Variants in TRPM6 observed in about 807,000 individuals in gnomAD.
TRPM6 encodes the protein channel kinase 2.
In TRPM6, 111 loss-of-function variants were observed where a neutral mutation model predicts 247.6. That is an observed-to-expected ratio of 0.45 (90% CI 0.38 to 0.52). The LOEUF (loss-of-function observed/expected upper bound fraction) is 0.52, where lower values mean the gene tolerates loss of function less well. TRPM6 is among the 20% of genes least tolerant of loss of function. The pLI, the probability that TRPM6 is intolerant of heterozygous loss-of-function variation, is 0.00. For synonymous variants in TRPM6, 892 were observed against 853.8 expected, an observed-to-expected ratio of 1.04 and a Z score of -0.78; for missense variants, 2,126 against 2,421.5, an observed-to-expected ratio of 0.88 and a Z score of 2.56.
intron 5 of TRPM6, among the ~76,000 whole-genome samples, chr9:74,836,617 C>T (rs910165740): frequency 2.0e-5 from 3 of 152,166 alleles, no homozygotes; most frequent in Non-Finnish European, 2.9e-5. Flanking sequence ...TGAGACTCTC[C>T]GTAAAACCCA....
chr9:74,812,849 C>T (rs893780791), intron 11 of TRPM6, among the ~76,000 whole-genome samples: 1 of 152,194 alleles, frequency 6.6e-6, no homozygotes, highest in African/African-American at 2.4e-5. Context: ...ATGAATGCAT[C>T]ACTACACTCC....
At chr9:74,786,993 G>A (rs566678204) in intron 20 of TRPM6, among the ~76,000 whole-genome samples, 300 of 152,120 alleles carry the variant, frequency 2.0e-3, no homozygotes, top group African/African-American at 6.8e-3. Context: ...GAGGTCAGGA[G>A]TTCGAGACCA....
At chr9:74,724,992 T>C (rs993503799) in intron 38 of TRPM6, among the ~76,000 whole-genome samples, 2 of 152,208 alleles carry the variant, frequency 1.3e-5, no homozygotes, top group African/African-American at 4.8e-5. Context: ...ACTTGGTTGC[T>C]TGCTTCAATA....
chr9:74,812,139 G>A (rs1828752007), intron 12 of TRPM6, among the ~76,000 whole-genome samples, 160 bp downstream of exon 12: 1 of 152,164 alleles, frequency 6.6e-6, no homozygotes, highest in South Asian at 2.1e-4. Flanking sequence ...ATAAATGTTG[G>A]GGAAAGAAGC....
chr9:74,840,254 TGTAG>T lies in TRPM6; in HGVS notation c.331-21_331-18del. On this transcript the variant is annotated intron_variant, in intron 4 of 38. Coordinates refer to ENST00000360774, the MANE Select transcript of TRPM6 (RefSeq NM_017662.5). ...TCTAATATACTGCAAGAAAAGCACA[TGTAG>T]GTGAACAGAACATTGTAAAAAAGTT... 1 of 1,557,910 alleles carries T rather than the reference TGTAG, an allele frequency of 6.4e-7. No homozygotes were observed. Among genetic ancestry groups the T allele is most frequent in the Non-Finnish European group, 8.9e-7 (1 of 1,129,892 alleles).
intron 11 of TRPM6, among the ~76,000 whole-genome samples, chr9:74,815,563 G>C (rs1295340900): frequency 3.3e-5 from 5 of 152,182 alleles, no homozygotes; most frequent in Admixed American, 3.3e-4. Context: ...GAATCCCCAA[G>C]ATGATGAGGG....
chr9:74,727,246 G>C (rs1825361307), intron 38 of TRPM6, among the ~76,000 whole-genome samples: 1 of 152,010 alleles, frequency 6.6e-6, no homozygotes, highest in Non-Finnish European at 1.5e-5. Context: ...GCTGGGCATG[G>C]TGGTGAGCAC....
At chr9:74,748,687 T>C (rs1438823467) in intron 30 of TRPM6, among the ~76,000 whole-genome samples, 1 of 152,220 alleles carries the variant, frequency 6.6e-6, no homozygotes, top group Non-Finnish European at 1.5e-5. Flanking sequence ...TGTACAACCA[T>C]ACAATGTATT....
intron 7 of TRPM6, among the ~76,000 whole-genome samples, chr9:74,824,883 C>CTT (rs1210811068): frequency 6.8e-6 from 1 of 146,104 alleles, no homozygotes; most frequent in African/African-American, 2.5e-5. Flanking sequence ...TAATGTGAGT[C>CTT]TTTTTTTTTT....
chr9:74,833,563 T>C (rs911608114), intron 6 of TRPM6, among the ~76,000 whole-genome samples: 2 of 152,194 alleles, frequency 1.3e-5, no homozygotes, highest in Non-Finnish European at 2.9e-5. Flanking sequence ...TGATCTGATT[T>C]GTATATTTTT....
chr9:74,851,765 T>A (rs1440382382), intron 3 of TRPM6, among the ~76,000 whole-genome samples: 4 of 123,770 alleles, frequency 3.2e-5, no homozygotes, highest in East Asian at 2.8e-4. Flanking sequence ...AAAAAAAAAA[T>A]ATATATATAT....
intron 1 of TRPM6, among the ~76,000 whole-genome samples, chr9:74,866,072 T>G (rs1830835300): frequency 6.6e-6 from 1 of 152,152 alleles, no homozygotes; most frequent in Admixed American, 6.5e-5. Flanking sequence ...AGGCCATGGC[T>G]AGAGAATCAT....
At chr9:74,768,431 G>T (rs945711171) in intron 25 of TRPM6, among the ~76,000 whole-genome samples, 1 of 152,100 alleles carries the variant, frequency 6.6e-6, no homozygotes, top group African/African-American at 2.4e-5. Context: ...CTCCCCGGGG[G>T]CTTCAGATGC....
At chr9:74,845,976 T>TA (rs1415572785) in intron 3 of TRPM6, among the ~76,000 whole-genome samples, 1 of 152,102 alleles carries the variant, frequency 6.6e-6, no homozygotes, top group Non-Finnish European at 1.5e-5. Context: ...ATGGATGATT[T>TA]AAAAAAAATT....
intron 21 of TRPM6, 110 bp downstream of exon 21, chr9:74,785,764 C>G (rs1227379936): frequency 1.1e-5 from 13 of 1,200,060 alleles, no homozygotes; most frequent in African/African-American, 3.0e-5. Flanking sequence ...ACCTTGTGAT[C>G]CGCCCGCCTT....
intron 3 of TRPM6, among the ~76,000 whole-genome samples, chr9:74,852,746 G>GCCTC (rs1223878326): frequency 6.6e-6 from 1 of 152,212 alleles, no homozygotes. Flanking sequence ...GCCCGCCTCG[G>GCCTC]CCTCCCGAGG....
At chr9:74,782,901 T>G in intron 21 of TRPM6, 48 bp from the exon 22 acceptor site, 1 of 1,586,662 alleles carries the variant, frequency 6.3e-7, no homozygotes, top group South Asian at 1.1e-5. Context: ...GATTTGAAGT[T>G]CAAAAGAAAC....
At chr9:74,884,384 G>A (rs1195577170) in intron 1 of TRPM6, among the ~76,000 whole-genome samples, 1 of 152,042 alleles carries the variant, frequency 6.6e-6, no homozygotes, top group South Asian at 2.1e-4. Context: ...AGCTACTCGG[G>A]AGGCTGAGGC....
intron 1 of TRPM6, among the ~76,000 whole-genome samples, chr9:74,883,387 G>C (rs1373166826): frequency 6.6e-6 from 1 of 152,026 alleles, no homozygotes; most frequent in African/African-American, 2.4e-5. Flanking sequence ...TTGCACTCTA[G>C]GAAAGGAAAA....
Sources: gnomAD v4.1 joint callset for allele counts (sites outside exome capture counted in the v4.1 genomes callset) on GRCh38, gnomAD v4.1.1 for gene constraint, MANE v1.5 for transcripts, NCBI Gene and HGNC (gene_info 2026-07-23, HGNC 2026-07-21) for gene names.